Variants in ENKUR observed in about 807,000 individuals in gnomAD.
ENKUR encodes enkurin.
Under a neutral mutation model 27.6 loss-of-function variants are expected in ENKUR, and 19 were observed. The observed-to-expected ratio is 0.69, with a 90% CI of 0.48 to 1.01. The LOEUF (loss-of-function observed/expected upper bound fraction) is 1.01. ENKUR is among the 50% of genes least tolerant of loss of function. The pLI is 0.00. For missense variants in ENKUR, 312 were observed against 310.5 expected, an observed-to-expected ratio of 1.00 and a Z score of -0.04; for synonymous variants, 117 against 96.9, an observed-to-expected ratio of 1.21 and a Z score of -1.22.
intron 2 of ENKUR, among the ~76,000 whole-genome samples, chr10:25,060,376 C>T (rs745656281): frequency 1.3e-5 from 2 of 152,186 alleles, no homozygotes; most frequent in Non-Finnish European, 2.9e-5. Flanking sequence ...AATTGGTCCA[C>T]ACTGCTCTAA....
chr10:25,027,539 C>CAAAAA (rs34834135), intron 2 of ENKUR, among the ~76,000 whole-genome samples: 1 of 100,118 alleles, frequency 1.0e-5, no homozygotes, highest in Non-Finnish European at 2.0e-5. Context: ...ACTCCGTCTC[C>CAAAAA]AAAAAAAAAA....
At chr10:25,042,541 C>T (rs144346761) in intron 2 of ENKUR, among the ~76,000 whole-genome samples, 7 of 152,112 alleles carry the variant, frequency 4.6e-5, no homozygotes, top group African/African-American at 1.2e-4. Context: ...GTGATCCACC[C>T]GCCTTGGCCT....
chr10:25,007,450 A>C (rs10764517), intron 1 of ENKUR, among the ~76,000 whole-genome samples: 69,057 of 151,924 alleles, frequency 0.45, 16,891 homozygotes, highest in African/African-American at 0.65. Context: ...TTGTTTATTT[A>C]TTGAGATGGA....
intron 1 of ENKUR, among the ~76,000 whole-genome samples, chr10:25,011,205 C>T (rs956426919): frequency 6.6e-6 from 1 of 152,128 alleles, no homozygotes; most frequent in African/African-American, 2.4e-5. Context: ...GTGATGATGA[C>T]CATTTTTTCA....
intron 2 of ENKUR, among the ~76,000 whole-genome samples, chr10:25,034,711 C>A (rs1036322072): frequency 2.6e-5 from 4 of 152,108 alleles, no homozygotes; most frequent in Admixed American, 2.0e-4. Flanking sequence ...GTGTAGGATT[C>A]TTCTCTATTA....
At chr10:25,002,195 G>A (rs1273526741) in intron 1 of ENKUR, among the ~76,000 whole-genome samples, 1 of 152,204 alleles carries the variant, frequency 6.6e-6, no homozygotes, top group Non-Finnish European at 1.5e-5. Context: ...ACCTGGGCTG[G>A]TGGGAACACG....
chr10:25,009,897 G>A (rs540807488), intron 1 of ENKUR, among the ~76,000 whole-genome samples: 4 of 152,268 alleles, frequency 2.6e-5, no homozygotes, highest in African/African-American at 7.2e-5. Flanking sequence ...GTGGAACTGC[G>A]AGTCAAACCT....
At chr10:25,009,371 C>T (rs1850387833) in intron 1 of ENKUR, among the ~76,000 whole-genome samples, 1 of 151,948 alleles carries the variant, frequency 6.6e-6, no homozygotes, top group Non-Finnish European at 1.5e-5. Flanking sequence ...TGCATAAGGC[C>T]ATTTGGAGTT....
chr10:25,057,428 C>CACACACACACACAA (rs57431152), intron 2 of ENKUR, among the ~76,000 whole-genome samples: 3 of 131,956 alleles, frequency 2.3e-5, no homozygotes, highest in South Asian at 4.8e-4. Flanking sequence ...CACACACACA[C>CACACACACACACAA]AATGCCCTTA....
chr10:25,030,140 C>G (rs985885101), intron 2 of ENKUR, among the ~76,000 whole-genome samples: 1 of 152,140 alleles, frequency 6.6e-6, no homozygotes, highest in Non-Finnish European at 1.5e-5. Context: ...TATAGGGTCT[C>G]TCTAGTCACC....
chr10:25,013,433 C>G (rs1850496911), intron 1 of ENKUR, among the ~76,000 whole-genome samples: 1 of 152,160 alleles, frequency 6.6e-6, no homozygotes, highest in African/African-American at 2.4e-5. Flanking sequence ...CAACCTTAGT[C>G]AAAATCCATA....
rs763577201 is a variant in ENKUR, at chr10:24,999,396, C to A, written c.223+5G>T. 1 of 1,592,104 alleles carries A rather than the reference C, an allele frequency of 6.3e-7. No individual in the cohort carries two copies. Among genetic ancestry groups the A allele is most frequent in the South Asian group, 1.2e-5 (1 of 86,070 alleles). On this transcript the variant is annotated splice_donor_5th_base_variant and intron_variant, in intron 2 of 5. Transcript: ENST00000331161. ...ATATTAAAAATAAAGCATGATAAAA[C>A]CTACTGGGTGGTAGAGTTTTTTCCT... is the stretch of plus-strand genomic sequence containing the variant.
intron 2 of ENKUR, among the ~76,000 whole-genome samples, chr10:25,056,664 T>C (rs537067095): frequency 6.6e-6 from 1 of 152,320 alleles, no homozygotes; most frequent in Non-Finnish European, 1.5e-5. Flanking sequence ...GCTAGACTTC[T>C]AATAAAAACA....
At chr10:25,053,660 G>GT (rs1171027539) in intron 2 of ENKUR, among the ~76,000 whole-genome samples, 1 of 152,040 alleles carries the variant, frequency 6.6e-6, no homozygotes, top group Non-Finnish European at 1.5e-5. Context: ...TTACCTTCGG[G>GT]TTTTTTACTG....
intron 2 of ENKUR, among the ~76,000 whole-genome samples, chr10:25,046,044 A>G (rs2130478325): frequency 6.6e-6 from 1 of 152,352 alleles, no homozygotes; most frequent in Middle Eastern, 3.4e-3. Flanking sequence ...TAAAATCAAA[A>G]TGTTCTCATT....
Position 25,044,435 on chromosome 10 carries a change from C to A in ENKUR, c.37+16677G>T, listed in dbSNP as rs1228775782. On this transcript the variant is annotated intron_variant, in intron 2 of 5. Coordinates refer to the ENKUR transcript ENST00000615958. Reference sequence around the variant, plus strand: ...TCTTAGAGATAGCGTTTCACTCGGTCACCCAGGCTGGAGTGCAATGGCACA... The same window carrying A: ...TCTTAGAGATAGCGTTTCACTCGGTAACCCAGGCTGGAGTGCAATGGCACA... Among the ~76,000 whole-genome samples, 3 of 152,150 alleles carry A rather than the reference C, an allele frequency of 2.0e-5. No homozygotes were observed. In the East Asian group the frequency reaches 5.8e-4, roughly 29 times the overall value.
At chr10:25,057,793 A>C (rs892846842) in intron 2 of ENKUR, among the ~76,000 whole-genome samples, 10 of 152,088 alleles carry the variant, frequency 6.6e-5, no homozygotes, top group Non-Finnish European at 1.5e-4. Flanking sequence ...GGCAGCCTGC[A>C]CCTGTGTTTG....
upstream of ENKUR, among the ~76,000 whole-genome samples, chr10:25,020,740 C>CA (rs36007062): frequency 0.018 from 2,443 of 133,980 alleles, 36 homozygotes; most frequent in Non-Finnish European, 0.025. Flanking sequence ...GACCCTTTCT[C>CA]AAAAAAAAAA....
chr10:25,060,253 C>A (rs891622843), intron 2 of ENKUR, among the ~76,000 whole-genome samples: 1 of 152,062 alleles, frequency 6.6e-6, no homozygotes, highest in South Asian at 2.1e-4. Flanking sequence ...GCAGACCGGG[C>A]GCCAGGCTCC....
Sources: allele counts gnomAD v4.1 joint callset (sites outside exome capture counted in the v4.1 genomes callset), GRCh38; gene constraint gnomAD v4.1.1; transcripts MANE v1.5; gene names NCBI Gene and HGNC (gene_info 2026-07-23, HGNC 2026-07-21).